The following ADARB2 variants were observed in gnomAD, a reference collection of about 807,000 sequenced individuals.
The protein encoded by ADARB2 is inactive double-stranded RNA-specific editase B2.
Under a neutral mutation model 62.2 loss-of-function variants are expected in ADARB2, and 25 were observed. The observed-to-expected ratio is 0.40, with a 90% confidence interval of 0.29 to 0.56. The LOEUF is 0.56. Among genes scored for constraint, ADARB2 ranks in the 20% least tolerant of loss-of-function variants. ADARB2 has a pLI of 0.43. For missense variants in ADARB2, 1,071 were observed against 1,077.4 expected, an observed-to-expected ratio of 0.99 and a Z score of 0.08; for synonymous variants, 572 against 500.8, an observed-to-expected ratio of 1.14 and a Z score of -1.90.
At chr10:1,200,344 T>G in intron 7 of ADARB2, 197 bp from the exon 8 acceptor site, 3 of 698,128 alleles carry the variant, frequency 4.3e-6, no homozygotes, top group Non-Finnish European at 7.8e-6. Context: ...GGGACTGGGC[T>G]CCACAGGCCC....
chr10:1,293,258 C>CGGGGAGGGAG (rs1831492581), intron 3 of ADARB2, among the ~76,000 whole-genome samples: 1 of 81,732 alleles, frequency 1.2e-5, no homozygotes, highest in African/African-American at 5.4e-5. Context: ...GGGAGAGGGA[C>CGGGGAGGGAG]AGAGGGAGGG....
At chr10:1,327,615 C>T (rs1831881215) in intron 3 of ADARB2, among the ~76,000 whole-genome samples, 1 of 117,574 alleles carries the variant, frequency 8.5e-6, no homozygotes, top group East Asian at 2.3e-4. Context: ...CCTCACTGCC[C>T]AGCGCCTCCC....
At chr10:1,338,883 A>T (rs1337331320) in intron 3 of ADARB2, among the ~76,000 whole-genome samples, 2 of 151,962 alleles carry the variant, frequency 1.3e-5, no homozygotes, top group Non-Finnish European at 2.9e-5. Flanking sequence ...CTGTGAGCTC[A>T]CTCACCCCAA....
intron 7 of ADARB2, among the ~76,000 whole-genome samples, chr10:1,201,167 A>T (rs972704406): frequency 6.6e-6 from 1 of 152,258 alleles, no homozygotes; most frequent in Non-Finnish European, 1.5e-5. Context: ...CCTCAGAAGC[A>T]TCTCCATGAA....
intron 1 of ADARB2, among the ~76,000 whole-genome samples, chr10:1,623,261 G>A (rs7085768): frequency 0.61 from 92,664 of 152,010 alleles, 28,872 homozygotes; most frequent in African/African-American, 0.74. Context: ...TTCTCAAGAG[G>A]ACGTGAGGCG....
At chr10:1,705,863 G>C (rs11597003) in intron 1 of ADARB2, among the ~76,000 whole-genome samples, 4,674 of 152,196 alleles carry the variant, frequency 0.031, 118 homozygotes, top group Non-Finnish European at 0.052. Flanking sequence ...ATTTTGCTTT[G>C]ATTGATTTTT....
chr10:1,580,564 T>C (rs1833084246), intron 1 of ADARB2, among the ~76,000 whole-genome samples: 1 of 150,386 alleles, frequency 6.6e-6, no homozygotes, highest in South Asian at 2.1e-4. Flanking sequence ...GCAAAGAAGG[T>C]AGAGAGAGCT....
intron 8 of ADARB2, among the ~76,000 whole-genome samples, chr10:1,194,665 G>C (rs1337758197): frequency 6.6e-6 from 1 of 152,082 alleles, no homozygotes; most frequent in Non-Finnish European, 1.5e-5. Flanking sequence ...CATGTGCTGT[G>C]TTTATTTGGT....
chr10:1,692,830 T>C (rs900672179), intron 1 of ADARB2, among the ~76,000 whole-genome samples: 2 of 152,204 alleles, frequency 1.3e-5, no homozygotes, highest in African/African-American at 4.8e-5. Flanking sequence ...CAGGACAGAA[T>C]TGAAGTCTTT....
At chr10:1,225,221 A>G (rs1830734284) in intron 6 of ADARB2, among the ~76,000 whole-genome samples, 1 of 152,164 alleles carries the variant, frequency 6.6e-6, no homozygotes, top group Non-Finnish European at 1.5e-5. Context: ...CTGTTTTATT[A>G]GAGACTAGGA....
chr10:1,646,815 C>T (rs1182446493), intron 1 of ADARB2, among the ~76,000 whole-genome samples: 1 of 152,196 alleles, frequency 6.6e-6, no homozygotes, highest in Non-Finnish European at 1.5e-5. Flanking sequence ...CCTGGAGATA[C>T]ACTGAGTGTG....
intron 1 of ADARB2, among the ~76,000 whole-genome samples, chr10:1,383,493 G>T (rs953846557): frequency 1.3e-5 from 2 of 151,972 alleles, no homozygotes; most frequent in Non-Finnish European, 2.9e-5. Context: ...TATGCCAGCA[G>T]TTTTTCATGC....
Position 1,423,128 on chromosome 10 carries a change from C to G in ADARB2, c.101-43968G>C, listed in dbSNP as rs151170028. Among the ~76,000 whole-genome samples, 659 of 152,358 alleles carry G rather than the reference C, an allele frequency of 4.3e-3. 5 individuals carry two copies. The highest frequency in any genetic ancestry group is 0.015 in the African/African-American group (634 of 41,590). ...TCTGCTCCGAGTCCCCGAGTCTCCA[C>G]AGGTGGCCATGGCCATTGGGTTCCA... On this transcript the variant is annotated intron_variant, in intron 1 of 9. Transcript: ENST00000381312.
At chr10:1,393,689 C>A (rs1832588749) in intron 1 of ADARB2, among the ~76,000 whole-genome samples, 1 of 152,184 alleles carries the variant, frequency 6.6e-6, no homozygotes, top group South Asian at 2.1e-4. Flanking sequence ...GCACCACGCT[C>A]CAGCTAACCT....
intron 3 of ADARB2, among the ~76,000 whole-genome samples, chr10:1,329,163 G>T (rs914693581): frequency 6.6e-6 from 1 of 152,190 alleles, no homozygotes; most frequent in Non-Finnish European, 1.5e-5. Context: ...AAAGCACTGC[G>T]ATATTACATT....
At chr10:1,686,744 G>A (rs988816121) in intron 1 of ADARB2, among the ~76,000 whole-genome samples, 2 of 152,098 alleles carry the variant, frequency 1.3e-5, no homozygotes, top group African/African-American at 4.8e-5. Flanking sequence ...GTGGGCACAA[G>A]AATAATATGA....
chr10:1,405,753 TA>T (rs1225442768), intron 1 of ADARB2, among the ~76,000 whole-genome samples: 5 of 152,142 alleles, frequency 3.3e-5, no homozygotes, highest in Admixed American at 6.5e-5. Flanking sequence ...ACCCATTTAT[TA>T]AACCCCCTAG....
intron 3 of ADARB2, among the ~76,000 whole-genome samples, chr10:1,316,687 C>T (rs1389678444): frequency 2.0e-5 from 3 of 152,152 alleles, no homozygotes; most frequent in African/African-American, 7.2e-5. Context: ...TATTGCTGTG[C>T]CCTCCCCACA....
At chr10:1,334,849 G>C (rs985322479) in intron 3 of ADARB2, among the ~76,000 whole-genome samples, 1 of 152,186 alleles carries the variant, frequency 6.6e-6, no homozygotes, top group African/African-American at 2.4e-5. Flanking sequence ...TCATTCCTCA[G>C]TGCTTTGACA....
Sources: allele counts gnomAD v4.1 joint callset (sites outside exome capture counted in the v4.1 genomes callset), GRCh38; gene constraint gnomAD v4.1.1; transcripts MANE v1.5; gene names NCBI Gene and HGNC (gene_info 2026-07-23, HGNC 2026-07-21).